The following LRFN5 variants were observed in gnomAD, a reference collection of about 807,000 sequenced individuals.
LRFN5 encodes the protein leucine-rich repeat and fibronectin type-III domain-containing protein 5.
LRFN5 carries 24 observed loss-of-function variants against 45.6 expected under a neutral mutation model. That is an observed-to-expected ratio of 0.53 (90% CI 0.38 to 0.74). The LOEUF is 0.74. Ranked by LOEUF, LRFN5 falls within the 30% of genes least tolerant of loss-of-function variation. The probability of loss-of-function intolerance (pLI) is 0.00; values close to 1 mark genes in which losing one functional copy is unlikely to be tolerated. For missense variants in LRFN5, 776 were observed against 861.5 expected (o/e 0.90, Z 1.24); for synonymous variants, 340 against 313.8 (o/e 1.08, Z -0.88).
In LRFN5 at chr14:41,743,957, A is replaced by C. The variant is rs141918068; in HGVS notation, c.-196-22897A>C. On this transcript the variant is annotated intron_variant, in intron 1 of 5. Transcript: ENST00000298119. Reference sequence around the variant, plus strand: ...CAAAGGAGTAGAGATGTTGTACATTATTGAAGTTAAGCTGGAATAAAATCA... The same window carrying C: ...CAAAGGAGTAGAGATGTTGTACATTCTTGAAGTTAAGCTGGAATAAAATCA... 1.0e-3 allele frequency among the ~76,000 whole-genome samples: 152 copies of C among 152,312 alleles called. 1 individual carries two copies. Among genetic ancestry groups the C allele is most frequent in the African/African-American group, 2.9e-3 (121 of 41,566 alleles).
At chr14:41,836,543 C>T (rs1888669012) in intron 2 of LRFN5, among the ~76,000 whole-genome samples, 1 of 152,134 alleles carries the variant, frequency 6.6e-6, no homozygotes, top group African/African-American at 2.4e-5. Flanking sequence ...CTATAAGTAA[C>T]TTTTTGTTGC....
At chr14:41,690,554 CA>C (rs1248465665) in intron 1 of LRFN5, among the ~76,000 whole-genome samples, 2 of 151,724 alleles carry the variant, frequency 1.3e-5, no homozygotes, top group Non-Finnish European at 1.5e-5. Flanking sequence ...CACTCTGTCT[CA>C]AAAAAAGTGA....
At position 41,607,453 on chromosome 14, in the gene LRFN5, G is replaced by A. The variant is rs765785564; in HGVS notation, c.-1306G>A. On this transcript the variant is annotated 5_prime_UTR_variant, in exon 1 of 6. Transcript: ENST00000298119. ...CCCTTCTGTGTTCCGGAAAGATCCT[G>A]GATGTTGGCTACCTTTTCAAGTCAT... 6.6e-6 allele frequency: 1 copy of A among 152,348 alleles called. No homozygotes were observed. Among genetic ancestry groups the A allele is most frequent in the Non-Finnish European group, 1.5e-5 (1 of 68,186 alleles). The allele number at this position is 152,348 out of a possible 1,614,324, so 9.4% of individuals were successfully genotyped here. A position where few individuals can be genotyped will look rare whatever the true frequency, so the allele number is the denominator to read the frequency against.
intron 1 of LRFN5, among the ~76,000 whole-genome samples, chr14:41,674,417 G>A (rs1398866218): frequency 1.8e-4 from 22 of 123,446 alleles, no homozygotes; most frequent in East Asian, 1.0e-3. Flanking sequence ...GCGGCTGGCC[G>A]GGCAGAGGAG....
intron 1 of LRFN5, among the ~76,000 whole-genome samples, chr14:41,613,065 T>C (rs908482894): frequency 6.6e-6 from 1 of 152,222 alleles, no homozygotes; most frequent in Non-Finnish European, 1.5e-5. Flanking sequence ...AATTACATGG[T>C]TATATAACTC....
chr14:41,861,497 G>A (rs1261116650), intron 2 of LRFN5, among the ~76,000 whole-genome samples: 3 of 152,106 alleles, frequency 2.0e-5, no homozygotes, highest in East Asian at 1.9e-4. Context: ...AAGCATCCCG[G>A]TTTTAAAAGC....
intron 2 of LRFN5, among the ~76,000 whole-genome samples, chr14:41,837,194 C>CAA (rs5808157): frequency 0.12 from 9,216 of 73,798 alleles, 741 homozygotes; most frequent in Non-Finnish European, 0.15. Context: ...ACACACTCCA[C>CAA]AAAAAAAAAA....
chr14:41,891,582 C>G lies in LRFN5; in HGVS notation c.1718C>G (p.Thr573Ser). Residue 573 changes from threonine to serine, a missense_variant, in exon 4 of 6, where the codon ACT (threonine) becomes AGT (serine). Transcript: ENST00000298119. ...AAGGTTAGCAATGTTTATTCCCAAACTAACGGGGCTCAAATACAAGGCTGT... is the reference window on the plus strand; with the variant it reads ...AAGGTTAGCAATGTTTATTCCCAAAGTAACGGGGCTCAAATACAAGGCTGT... ...VTKVSNVYSQ[T>S]NGAQIQGCSV... The G allele has an allele frequency of 6.2e-7, 1 of 1,614,200 alleles. No homozygotes were observed. Among genetic ancestry groups the G allele is most frequent in the Non-Finnish European group, 8.5e-7 (1 of 1,180,030 alleles).
intron 1 of LRFN5, among the ~76,000 whole-genome samples, chr14:41,677,805 G>A (rs953254052): frequency 2.6e-5 from 4 of 151,830 alleles, no homozygotes; most frequent in Non-Finnish European, 5.9e-5. Context: ...AAGAGAGAGG[G>A]TAGGATAGGA....
chr14:41,824,701 G>T (rs1375044485), intron 2 of LRFN5, among the ~76,000 whole-genome samples: 1 of 152,128 alleles, frequency 6.6e-6, no homozygotes, highest in African/African-American at 2.4e-5. Flanking sequence ...CCTCTCTGTT[G>T]TCTCAGGCAG....
intron 2 of LRFN5, among the ~76,000 whole-genome samples, chr14:41,780,347 A>G (rs1566435976): frequency 1.3e-5 from 2 of 151,712 alleles, no homozygotes; most frequent in Non-Finnish European, 2.9e-5. Context: ...TTTGCCTCAC[A>G]TCTTTTAATG....
intron 1 of LRFN5, among the ~76,000 whole-genome samples, chr14:41,663,409 G>T (rs1199083795): frequency 6.6e-6 from 1 of 152,028 alleles, no homozygotes; most frequent in East Asian, 1.9e-4. Context: ...AGCCTCACAG[G>T]ACTGTAAGAC....
chr14:41,892,830 A>G, intron 4 of LRFN5: 1 of 985,352 alleles, frequency 1.0e-6, no homozygotes, highest in Non-Finnish European at 1.2e-6. Flanking sequence ...ACAGGCTACA[A>G]ATTCCTATGC....
intron 1 of LRFN5, among the ~76,000 whole-genome samples, chr14:41,693,701 C>G (rs369471037): frequency 6.6e-6 from 1 of 151,788 alleles, no homozygotes; most frequent in Non-Finnish European, 1.5e-5. Flanking sequence ...TTTTGAATGC[C>G]ATTGTCATGT....
At chr14:41,675,198 G>C (rs1055777826) in intron 1 of LRFN5, among the ~76,000 whole-genome samples, 1 of 152,190 alleles carries the variant, frequency 6.6e-6, no homozygotes, top group Admixed American at 6.5e-5. Flanking sequence ...TCCCAGACGG[G>C]GTGGCGGCCA....
chr14:41,851,947 C>T (rs1255691502), intron 2 of LRFN5, among the ~76,000 whole-genome samples: 1 of 151,340 alleles, frequency 6.6e-6, no homozygotes, highest in East Asian at 1.9e-4. Flanking sequence ...TGATGTGTAT[C>T]CTCTGGCAGT....
chr14:41,835,754 C>T (rs951172574), intron 2 of LRFN5, among the ~76,000 whole-genome samples: 2 of 151,610 alleles, frequency 1.3e-5, no homozygotes, highest in African/African-American at 4.9e-5. Context: ...ACAAAACAAA[C>T]TAATGAGTTA....
At chr14:41,892,643 C>A (rs2139165092) in intron 4 of LRFN5, 1 of 983,290 alleles carries the variant, frequency 1.0e-6, no homozygotes, top group Non-Finnish European at 1.2e-6. Flanking sequence ...ATTTAAAATA[C>A]AATATTCAAT....
chr14:41,718,845 T>C (rs1321930312), intron 1 of LRFN5, among the ~76,000 whole-genome samples: 1 of 152,194 alleles, frequency 6.6e-6, no homozygotes, highest in African/African-American at 2.4e-5. Context: ...TAGGTACCTA[T>C]GTATGGGGCA....
Sources: allele counts gnomAD v4.1 joint callset (sites outside exome capture counted in the v4.1 genomes callset), GRCh38; gene constraint gnomAD v4.1.1; transcripts MANE v1.5; gene names NCBI Gene and HGNC (gene_info 2026-07-23, HGNC 2026-07-21).